The following LAMTOR5 variants were observed in gnomAD, a reference collection of about 807,000 sequenced individuals.
LAMTOR5 encodes late endosomal/lysosomal adaptor, MAPK and MTOR activator 5, also known as ragulator complex protein LAMTOR5.
Under a neutral mutation model 12.1 loss-of-function variants are expected in LAMTOR5, and 8 were observed. The ratio of observed to expected loss-of-function variants is 0.66; its 90% CI spans 0.39 to 1.19. The LOEUF (loss-of-function observed/expected upper bound fraction) is 1.19, where lower values mean the gene tolerates loss of function less well. LAMTOR5 is among the 50% of genes most tolerant of loss of function. The pLI is 0.01. For synonymous variants in LAMTOR5, 37 were observed against 41.9 expected (o/e 0.88, Z 0.45); for missense variants, 110 against 112.8 (o/e 0.97, Z 0.11).
intron 3 of LAMTOR5, 40 bp from the exon 4 acceptor site, chr1:110,401,623 G>C: frequency 6.3e-7 from 1 of 1,574,802 alleles, no homozygotes; most frequent in Non-Finnish European, 8.7e-7. Context: ...AACGTAATCA[G>C]TGGGACTTCA....
At chr1:110,407,214 G>C in intron 1 of LAMTOR5, 1 of 577,288 alleles carries the variant, frequency 1.7e-6, no homozygotes, top group South Asian at 2.3e-5. Flanking sequence ...ATACGTGTTT[G>C]TTTACACTGC....
chr1:110,401,638 A>G, intron 3 of LAMTOR5, 55 bp from the exon 4 acceptor site: 2 of 1,526,858 alleles, frequency 1.3e-6, no homozygotes, highest in South Asian at 2.3e-5. Flanking sequence ...ACTTCACTGC[A>G]AGATTAAAGA....
Position 110,401,358 on chromosome 1 carries a change from G to T in LAMTOR5, c.*165C>A. 1.9e-6 allele frequency: 1 copy of T among 525,750 alleles called. No individual in the cohort carries two copies. Among genetic ancestry groups the T allele is most frequent in the South Asian group, 5.0e-5 (1 of 19,810 alleles). 32.6% of individuals were successfully genotyped at this position (525,750 alleles called of 1,614,324 possible). On this transcript the variant is annotated 3_prime_UTR_variant, in exon 4 of 4. Transcript: ENST00000602318. ...CTTTCTTACTAATATCTTGATAGTCGGTCCATAGAGCATTAGAAAGCAATT... is the reference window on the plus strand; with the variant it reads ...CTTTCTTACTAATATCTTGATAGTCTGTCCATAGAGCATTAGAAAGCAATT...
At chr1:110,401,960 G>T (rs748620871) in intron 3 of LAMTOR5, among the ~76,000 whole-genome samples, 1 of 152,104 alleles carries the variant, frequency 6.6e-6, no homozygotes, top group Admixed American at 6.6e-5. Context: ...TGTTTTCTTT[G>T]CATGTATATG....
chr1:110,404,691 C>A (rs1171959067), intron 2 of LAMTOR5, among the ~76,000 whole-genome samples: 1 of 152,116 alleles, frequency 6.6e-6, no homozygotes, highest in Non-Finnish European at 1.5e-5. Context: ...GTAATTGCTA[C>A]CATTTATTAA....
rs369920905 is a variant in LAMTOR5 at position 110,406,446 on chromosome 1, C to T, written c.36-67G>A. ...GAAAAAGGATTTAAATAAGTACAAA[C>T]ATACAGGTGTTCTATGTACCAGGCA... On this transcript the variant is annotated intron_variant, in intron 1 of 3. Transcript: ENST00000602318. 2.7e-6 allele frequency: 3 copies of T among 1,092,530 alleles called. No individual in the cohort carries two copies. The African/African-American group carries it at 4.7e-5, about 17-fold the overall frequency. The allele number at this position is 1,092,530 out of a possible 1,614,324, so 67.7% of individuals were successfully genotyped here.
At chr1:110,402,869 T>C (rs949856696) in intron 3 of LAMTOR5, among the ~76,000 whole-genome samples, 7 of 152,230 alleles carry the variant, frequency 4.6e-5, no homozygotes, top group African/African-American at 9.6e-5. Context: ...TTAAGTGTTA[T>C]TATAAAGTCA....
intron 2 of LAMTOR5, among the ~76,000 whole-genome samples, chr1:110,404,928 A>G (rs1663298324): frequency 6.7e-6 from 1 of 149,824 alleles, no homozygotes; most frequent in Non-Finnish European, 1.5e-5. Context: ...GGCGCCTGTA[A>G]TCCCAGCTAC....
In LAMTOR5 at chr1:110,406,486, T is replaced by A. The variant is rs549747979; in HGVS notation, c.36-107A>T. On this transcript the variant is annotated intron_variant, in intron 1 of 3. Coordinates refer to ENST00000602318, the MANE Select transcript of LAMTOR5 (RefSeq NM_001382293.1). ...TGTACCAGGCATTAAGTGCTTTAAA[T>A]CAATATTTCTCAATCTTTTTTCATT... The A allele has an allele frequency of 4.2e-5, 28 of 665,726 alleles. No homozygotes were observed. In the East Asian group the frequency reaches 7.9e-4, roughly 19 times the overall value. 41.2% of individuals were successfully genotyped at this position (665,726 alleles called of 1,614,324 possible).
intron 3 of LAMTOR5, among the ~76,000 whole-genome samples, chr1:110,401,792 C>G (rs943250219): frequency 6.6e-6 from 1 of 152,186 alleles, no homozygotes; most frequent in Non-Finnish European, 1.5e-5. Flanking sequence ...CTACTACACA[C>G]AGACAACCAC....
chr1:110,401,401 A>G lies in LAMTOR5; in HGVS notation c.*122T>C, dbSNP rs140542515. 7.1e-6 allele frequency: 7 copies of G among 990,166 alleles called. No individual in the cohort carries two copies. Among genetic ancestry groups the G allele is most frequent in the East Asian group, 2.6e-5 (1 of 38,694 alleles). 61.3% of individuals were successfully genotyped at this position (990,166 alleles called of 1,614,324 possible). On this transcript the variant is annotated 3_prime_UTR_variant, in exon 4 of 4. Coordinates refer to ENST00000602318, the MANE Select transcript of LAMTOR5 (RefSeq NM_001382293.1). ...AAGCAATTGACTCTTAAATAAACAG[A>G]AAAGTGCCTAATGCACATTAAATGA...
intron 3 of LAMTOR5, among the ~76,000 whole-genome samples, chr1:110,401,988 A>G (rs988840121): frequency 6.6e-6 from 1 of 152,226 alleles, no homozygotes; most frequent in African/African-American, 2.4e-5. Context: ...CATGTGCTGC[A>G]TAACAATGCT....
chr1:110,405,522 G>A (rs552116692), intron 2 of LAMTOR5, among the ~76,000 whole-genome samples: 6 of 151,874 alleles, frequency 4.0e-5, no homozygotes, highest in Non-Finnish European at 8.8e-5. Flanking sequence ...AGAGATGGGG[G>A]GTCTCACTGT....
At chr1:110,406,597 G>A (rs1043929735) in intron 1 of LAMTOR5, 70 of 352,904 alleles carry the variant, frequency 2.0e-4, no homozygotes, top group African/African-American at 1.3e-3. Context: ...GGCCCAGGTG[G>A]GCGGATCACC....
intron 3 of LAMTOR5, 58 bp from the exon 4 acceptor site, chr1:110,401,641 AT>A (rs1663230482): frequency 6.5e-7 from 1 of 1,527,554 alleles, no homozygotes; most frequent in African/African-American, 1.4e-5. Flanking sequence ...TCACTGCAAG[AT>A]TAAAGATGTT....
At chr1:110,405,665 T>G (rs1328583983) in intron 2 of LAMTOR5, among the ~76,000 whole-genome samples, 3 of 152,126 alleles carry the variant, frequency 2.0e-5, no homozygotes, top group South Asian at 2.1e-4. Context: ...TGGGTTGTTA[T>G]GAGGAATAAA....
intron 2 of LAMTOR5, 69 bp downstream of exon 2, chr1:110,406,249 C>A: frequency 1.9e-6 from 2 of 1,037,608 alleles, no homozygotes; most frequent in Non-Finnish European, 1.4e-6. Context: ...AAAATAATAG[C>A]ACGCTAGGCT....
chr1:110,404,268 CA>C (rs111648916), intron 2 of LAMTOR5, among the ~76,000 whole-genome samples: 1 of 152,026 alleles, frequency 6.6e-6, no homozygotes, highest in African/African-American at 2.4e-5. Flanking sequence ...AAAGGCAACA[CA>C]AAGTTAACTG....
chr1:110,404,798 C>T (rs1052109730), intron 2 of LAMTOR5, among the ~76,000 whole-genome samples: 7 of 151,996 alleles, frequency 4.6e-5, no homozygotes, highest in African/African-American at 1.5e-4. Flanking sequence ...CCTGTAATCC[C>T]GCACTTTGGG....
Sources: gnomAD v4.1 joint callset for allele counts (sites outside exome capture counted in the v4.1 genomes callset) on GRCh38, gnomAD v4.1.1 for gene constraint, MANE v1.5 for transcripts, NCBI Gene and HGNC (gene_info 2026-07-23, HGNC 2026-07-21) for gene names.